TBCE: variants seen among roughly 807,000 people sequenced by gnomAD.
TBCE encodes tubulin-specific chaperone E.
In TBCE, 53 loss-of-function variants were observed where a neutral mutation model predicts 77.0. The observed-to-expected ratio is 0.69, with a 90% confidence interval of 0.55 to 0.87. The LOEUF is 0.87. TBCE is among the 40% of genes least tolerant of loss of function. TBCE has a pLI of 0.00. For missense variants in TBCE, 624 were observed against 622.4 expected, an observed-to-expected ratio of 1.00 and a Z score of -0.03; for synonymous variants, 235 against 241.3, an observed-to-expected ratio of 0.97 and a Z score of 0.24.
At chr1:235,442,010 T>C (rs938905125) in intron 14 of TBCE, 128 bp downstream of exon 14, 8 of 489,264 alleles carry the variant, frequency 1.6e-5, no homozygotes, top group Non-Finnish European at 2.6e-5. Context: ...AAATGAAAAT[T>C]TTTTTTTTTT....
At chr1:235,442,008 AT>A (rs376999568) in intron 14 of TBCE, 126 bp downstream of exon 14, 85,754 of 551,858 alleles carry the variant, frequency 0.16, 1 homozygote, top group South Asian at 0.22. Context: ...TTAAATGAAA[AT>A]TTTTTTTTTT....
At chr1:235,382,570 G>A (rs1410457202) in intron 2 of TBCE, among the ~76,000 whole-genome samples, 1 of 152,094 alleles carries the variant, frequency 6.6e-6, no homozygotes, top group Non-Finnish European at 1.5e-5. Flanking sequence ...GGCCAGTGAT[G>A]GTGAGCATTT....
intron 1 of TBCE, among the ~76,000 whole-genome samples, chr1:235,377,161 C>A (rs1203220083): frequency 6.6e-6 from 1 of 152,090 alleles, no homozygotes; most frequent in African/African-American, 2.4e-5. Flanking sequence ...CTTTTCACAA[C>A]AATTGGGAAA....
chr1:235,405,673 A>G (rs1283064682), intron 3 of TBCE, among the ~76,000 whole-genome samples: 1 of 152,138 alleles, frequency 6.6e-6, no homozygotes, highest in Non-Finnish European at 1.5e-5. Flanking sequence ...ACACTCTAAC[A>G]TAATGATAAA....
chr1:235,443,358 C>T (rs572663275), intron 15 of TBCE, among the ~76,000 whole-genome samples: 18 of 152,148 alleles, frequency 1.2e-4, no homozygotes, highest in South Asian at 2.1e-4. Context: ...GAGCCACCAA[C>T]GCCCAGCTAA....
intron 15 of TBCE, among the ~76,000 whole-genome samples, chr1:235,445,358 G>C (rs1682178341): frequency 6.6e-6 from 1 of 152,200 alleles, no homozygotes; most frequent in South Asian, 2.1e-4. Context: ...GCCAGGCATG[G>C]TGGCTCACAC....
intron 2 of TBCE, among the ~76,000 whole-genome samples, chr1:235,380,617 T>C (rs1231689121): frequency 2.0e-5 from 3 of 152,118 alleles, no homozygotes; most frequent in Non-Finnish European, 4.4e-5. Context: ...ACAGCATTAT[T>C]TTGCAATATT....
intron 6 of TBCE, among the ~76,000 whole-genome samples, chr1:235,428,781 C>T (rs1231592614): frequency 6.6e-6 from 1 of 150,570 alleles, no homozygotes; most frequent in Non-Finnish European, 1.5e-5. Context: ...GTAGCTGGGA[C>T]TACAGGCACG....
At chr1:235,373,218 G>T (rs1223166591) in intron 1 of TBCE, among the ~76,000 whole-genome samples, 1 of 152,080 alleles carries the variant, frequency 6.6e-6, no homozygotes, top group Non-Finnish European at 1.5e-5. Context: ...CTCAGTGGTA[G>T]TAAAATTCTG....
At chr1:235,396,928 T>C (rs935733805) in intron 2 of TBCE, among the ~76,000 whole-genome samples, 2 of 151,962 alleles carry the variant, frequency 1.3e-5, no homozygotes, top group Non-Finnish European at 2.9e-5. Flanking sequence ...TCCCATTCTG[T>C]GAGTTGTCTC....
chr1:235,380,164 T>A lies in TBCE; in HGVS notation c.100+15T>A. 3.5e-5 allele frequency: 1 copy of A among 28,836 alleles called. No individual in the cohort carries two copies. The highest frequency in any genetic ancestry group is 4.7e-5 in the Non-Finnish European group (1 of 21,232). 1.8% of individuals were successfully genotyped at this position (28,836 alleles called of 1,614,324 possible). Reference sequence around the variant, plus strand: ...TCCCGTGGCAGGTAAGCAATTATTGTGTGTGTGTGTGTGTGTGTGTGTGTG... The same window carrying A: ...TCCCGTGGCAGGTAAGCAATTATTGAGTGTGTGTGTGTGTGTGTGTGTGTG... On this transcript the variant is annotated intron_variant, in intron 2 of 16. Coordinates refer to ENST00000642610, the MANE Select transcript of TBCE (RefSeq NM_003193.5).
intron 4 of TBCE, among the ~76,000 whole-genome samples, chr1:235,416,932 T>G (rs556229184): frequency 6.6e-6 from 1 of 152,348 alleles, no homozygotes; most frequent in Non-Finnish European, 1.5e-5. Flanking sequence ...TTATTGTTTC[T>G]AAGCCTCAGT....
intron 5 of TBCE, among the ~76,000 whole-genome samples, chr1:235,420,042 G>A (rs1030555134): frequency 7.3e-5 from 11 of 151,262 alleles, no homozygotes; most frequent in East Asian, 2.0e-4. Flanking sequence ...CTGAGATCGC[G>A]CCAGTGCACT....
At chr1:235,448,098 G>T (rs1192853538) in intron 15 of TBCE, among the ~76,000 whole-genome samples, 2 of 151,928 alleles carry the variant, frequency 1.3e-5, no homozygotes, top group African/African-American at 2.4e-5. Flanking sequence ...TACTCAGGAG[G>T]CTGAGGCAGG....
rs758848178 is a variant in TBCE, at chr1:235,430,817, CT to C, written c.660+16del. 23 of 1,602,238 alleles carry C rather than the reference CT, an allele frequency of 1.4e-5. No individual in the cohort carries two copies. The African/African-American group carries it at 3.1e-4, about 21-fold the overall frequency. Reference sequence around the variant, plus strand: ...AACGTGGGCTGAGGTAATCATATTTCTTTGTTTTATTACACATTAATAAGCA... The same window carrying C: ...AACGTGGGCTGAGGTAATCATATTTCTTGTTTTATTACACATTAATAAGCA... On this transcript the variant is annotated intron_variant, in intron 7 of 16. Coordinates refer to ENST00000642610, the MANE Select transcript of TBCE (RefSeq NM_003193.5).
chr1:235,415,008 TTAA>T (rs1680032044), intron 4 of TBCE: 1 of 298,114 alleles, frequency 3.4e-6, no homozygotes, highest in African/African-American at 2.2e-5. Flanking sequence ...GTGCCGTCTG[TTAA>T]TAGTAGGGAG....
At chr1:235,408,331 T>G (rs564860613) in intron 3 of TBCE, among the ~76,000 whole-genome samples, 1 of 152,302 alleles carries the variant, frequency 6.6e-6, no homozygotes, top group South Asian at 2.1e-4. Flanking sequence ...TATTCATCTT[T>G]TGTGTGTCAT....
At chr1:235,367,892 C>T (rs1676641520) in intron 1 of TBCE, among the ~76,000 whole-genome samples, 1 of 152,096 alleles carries the variant, frequency 6.6e-6, no homozygotes, top group Admixed American at 6.6e-5. Context: ...AGGTGGAGAG[C>T]ACTTAAAGTA....
chr1:235,416,876 G>A lies in TBCE; in HGVS notation c.371+2258G>A, dbSNP rs147189808. On this transcript the variant is annotated intron_variant, in intron 4 of 16. Coordinates refer to ENST00000642610, the MANE Select transcript of TBCE (RefSeq NM_003193.5). Reference sequence around the variant, plus strand: ...TGTTGGAGTTAGGCTGGGTTCAGCCGCCAGCTAAGGCACTTTTGGCTCTGA... The same window carrying A: ...TGTTGGAGTTAGGCTGGGTTCAGCCACCAGCTAAGGCACTTTTGGCTCTGA... 2.6e-5 allele frequency among the ~76,000 whole-genome samples: 4 copies of A among 152,156 alleles called. No homozygotes were observed. The South Asian group carries it at 8.3e-4, about 32-fold the overall frequency.
Sources: gnomAD v4.1 joint callset for allele counts (sites outside exome capture counted in the v4.1 genomes callset) on GRCh38, gnomAD v4.1.1 for gene constraint, MANE v1.5 for transcripts, NCBI Gene and HGNC (gene_info 2026-07-23, HGNC 2026-07-21) for gene names.